The following NCKAP5 variants were observed in gnomAD, a reference collection of about 807,000 sequenced individuals.
The protein encoded by NCKAP5 is NCK associated protein 5, also known as nck-associated protein 5.
NCKAP5 carries 92 observed loss-of-function variants against 167.0 expected under a neutral mutation model. That is an observed-to-expected ratio of 0.55 (90% CI 0.47 to 0.66). The LOEUF (loss-of-function observed/expected upper bound fraction) is 0.66. Ranked by LOEUF, NCKAP5 falls within the 30% of genes least tolerant of loss-of-function variation. The probability of loss-of-function intolerance (pLI) is 0.00; values close to 1 mark genes in which losing one functional copy is unlikely to be tolerated. For synonymous variants in NCKAP5, 891 were observed against 877.4 expected (o/e 1.02, Z -0.27); for missense variants, 2,378 against 2,315.0 (o/e 1.03, Z -0.56).
At chr2:133,447,111 T>A (rs1691244533) in intron 3 of NCKAP5, among the ~76,000 whole-genome samples, 1 of 152,094 alleles carries the variant, frequency 6.6e-6, no homozygotes, top group Admixed American at 6.5e-5. Context: ...AAGGTATGGC[T>A]TCATGGGAGG....
At chr2:133,191,968 A>AAT (rs1179877073) in intron 5 of NCKAP5, among the ~76,000 whole-genome samples, 6 of 152,118 alleles carry the variant, frequency 3.9e-5, no homozygotes, top group Admixed American at 3.3e-4. Context: ...ATTATTCTAA[A>AAT]ATATATATGG....
rs149416312 is a variant in NCKAP5, at chr2:133,182,279, C to T, written c.207+31437G>A. Reference sequence around the variant, plus strand: ...ATTCAACATTTATGGAACAGTCTACCCAATGTAATTAATACAAAAGTACAT... The same window carrying T: ...ATTCAACATTTATGGAACAGTCTACTCAATGTAATTAATACAAAAGTACAT... On this transcript the variant is annotated intron_variant, in intron 5 of 19. Transcript: ENST00000409261. Among the ~76,000 whole-genome samples, 292 of 152,210 alleles carry T rather than the reference C, an allele frequency of 1.9e-3. 1 individual carries two copies. The highest frequency in any genetic ancestry group is 5.9e-3 in the African/African-American group (247 of 41,526).
chr2:133,026,603 C>G (rs886691590), intron 6 of NCKAP5, among the ~76,000 whole-genome samples: 5 of 152,166 alleles, frequency 3.3e-5, no homozygotes, highest in African/African-American at 1.2e-4. Flanking sequence ...TTCATTTAAA[C>G]TGGCTTTATT....
chr2:133,368,619 C>G (rs560563547), intron 3 of NCKAP5, among the ~76,000 whole-genome samples: 66 of 152,282 alleles, frequency 4.3e-4, no homozygotes, highest in African/African-American at 1.5e-3. Flanking sequence ...TGACTCCAAG[C>G]CTTGCATCCT....
intron 1 of NCKAP5, among the ~76,000 whole-genome samples, chr2:133,566,536 T>C (rs1420365008): frequency 2.0e-5 from 3 of 152,222 alleles, no homozygotes; most frequent in African/African-American, 7.2e-5. Context: ...TGTTCTCTCT[T>C]TGCCAGACCA....
At chr2:133,652,013 A>G in the NCKAP5 span, among the ~76,000 whole-genome samples, 1 of 152,210 alleles carries the variant, frequency 6.6e-6, no homozygotes, top group South Asian at 2.1e-4. Context: ...GGAGAATGAG[A>G]AATCTGAGTG....
At chr2:132,974,922 C>T (rs1198998791) in intron 7 of NCKAP5, among the ~76,000 whole-genome samples, 2 of 152,212 alleles carry the variant, frequency 1.3e-5, no homozygotes, top group African/African-American at 4.8e-5. Context: ...AGAGGCCAGC[C>T]GTCTGGCTGA....
At chr2:133,501,240 G>C (rs1468438773) in intron 3 of NCKAP5, among the ~76,000 whole-genome samples, 2 of 152,154 alleles carry the variant, frequency 1.3e-5, no homozygotes, top group Non-Finnish European at 2.9e-5. Context: ...ACTGAGCTCT[G>C]CTGTGCACTG....
chr2:133,366,555 G>GC (rs879270370), intron 3 of NCKAP5, among the ~76,000 whole-genome samples: 3 of 152,064 alleles, frequency 2.0e-5, no homozygotes, highest in Non-Finnish European at 2.9e-5. Context: ...ACCAGCCTCA[G>GC]CCCCCCAAAG....
At chr2:132,890,364 G>A (rs948953967) in intron 8 of NCKAP5, among the ~76,000 whole-genome samples, 1 of 151,864 alleles carries the variant, frequency 6.6e-6, no homozygotes. Flanking sequence ...ATGCTAGGGG[G>A]TATACAAAGA....
intron 7 of NCKAP5, among the ~76,000 whole-genome samples, chr2:132,990,030 G>A (rs1237473129): frequency 6.6e-6 from 1 of 152,178 alleles, no homozygotes; most frequent in African/African-American, 2.4e-5. Context: ...CCAAGCATAT[G>A]TGCCCTGACA....
chr2:132,867,333 A>T (rs745773666), intron 10 of NCKAP5, among the ~76,000 whole-genome samples: 3 of 152,182 alleles, frequency 2.0e-5, no homozygotes, highest in Non-Finnish European at 4.4e-5. Flanking sequence ...CAATCGAGAA[A>T]TTAAAGCCTT....
the NCKAP5 span, among the ~76,000 whole-genome samples, chr2:133,604,578 G>C: frequency 1.3e-5 from 2 of 152,066 alleles, no homozygotes; most frequent in African/African-American, 4.8e-5. Flanking sequence ...TTGTCTTACT[G>C]TACTTGTTAT....
At chr2:132,790,277 G>A in intron 12 of NCKAP5, 72 bp from the exon 13 acceptor site, 3 of 1,343,954 alleles carry the variant, frequency 2.2e-6, no homozygotes, top group Non-Finnish European at 3.1e-6. Flanking sequence ...ACCTTATGGT[G>A]AGGTAGATGG....
intron 3 of NCKAP5, among the ~76,000 whole-genome samples, chr2:133,345,099 T>A (rs1304095313): frequency 6.6e-6 from 1 of 152,032 alleles, no homozygotes; most frequent in Non-Finnish European, 1.5e-5. Context: ...GAGGTGTGAA[T>A]CATTGCCCCA....
At chr2:133,061,120 G>T (rs1329403242) in intron 6 of NCKAP5, among the ~76,000 whole-genome samples, 1 of 151,834 alleles carries the variant, frequency 6.6e-6, no homozygotes, top group Non-Finnish European at 1.5e-5. Flanking sequence ...TTAAAAATTT[G>T]CTTCATTACT....
chr2:133,224,257 G>GT (rs1208700287), intron 4 of NCKAP5, among the ~76,000 whole-genome samples: 2 of 152,146 alleles, frequency 1.3e-5, no homozygotes, highest in African/African-American at 4.8e-5. Flanking sequence ...TTAGTGGGAG[G>GT]TAAGTCCCTA....
chr2:133,600,083 C>T, the NCKAP5 span, among the ~76,000 whole-genome samples: 1 of 152,206 alleles, frequency 6.6e-6, no homozygotes, highest in Non-Finnish European at 1.5e-5. Flanking sequence ...CTCAGCTCAT[C>T]TGTGTCGCGG....
At chr2:133,644,769 C>T in the NCKAP5 span, among the ~76,000 whole-genome samples, 1 of 152,102 alleles carries the variant, frequency 6.6e-6, no homozygotes, top group Non-Finnish European at 1.5e-5. Context: ...TTTTCTCCTC[C>T]AAACTTGCAT....
Sources: allele counts gnomAD v4.1 joint callset (sites outside exome capture counted in the v4.1 genomes callset), GRCh38; gene constraint gnomAD v4.1.1; transcripts MANE v1.5; gene names NCBI Gene and HGNC (gene_info 2026-07-23, HGNC 2026-07-21).